Variants in ELMO1 observed in about 807,000 individuals in gnomAD.
The protein encoded by ELMO1 is engulfment and cell motility protein 1.
Under a neutral mutation model 98.9 loss-of-function variants are expected in ELMO1, and 26 were observed. That is an observed-to-expected ratio of 0.26 (90% CI 0.19 to 0.36). The LOEUF is 0.36. ELMO1 is among the 10% of genes least tolerant of loss of function. The pLI is 1.00. For missense variants in ELMO1, 627 were observed against 935.2 expected (o/e 0.67, Z 4.30); for synonymous variants, 346 against 346.0 (o/e 1.00, Z 0.00).
At chr7:36,974,976 T>C (rs968955312) in intron 16 of ELMO1, among the ~76,000 whole-genome samples, 1 of 151,750 alleles carries the variant, frequency 6.6e-6, no homozygotes, top group Non-Finnish European at 1.5e-5. Context: ...GAAGAAACTC[T>C]GAACACATCT....
chr7:37,397,411 G>T (rs1803342919), intron 1 of ELMO1, among the ~76,000 whole-genome samples: 1 of 152,234 alleles, frequency 6.6e-6, no homozygotes, highest in South Asian at 2.1e-4. Context: ...ATAGGGTAAA[G>T]GTATGGGTCA....
intron 16 of ELMO1, among the ~76,000 whole-genome samples, chr7:36,963,621 C>T (rs1244688635): frequency 6.6e-6 from 1 of 152,028 alleles, no homozygotes; most frequent in Admixed American, 6.6e-5. Flanking sequence ...TGATTTTCAC[C>T]TGTAAGATTG....
rs937521645 is a variant in ELMO1, at chr7:37,259,105, G to A, written c.413+76C>T. 1.3e-5 allele frequency: 19 copies of A among 1,487,866 alleles called. No individual in the cohort carries two copies. The Middle Eastern group carries it at 1.2e-3, about 97-fold the overall frequency. The allele number at this position is 1,487,866 out of a possible 1,614,324, so 92.2% of individuals were successfully genotyped here. On this transcript the variant is annotated intron_variant, in intron 6 of 21. Coordinates refer to ENST00000310758, the MANE Select transcript of ELMO1 (RefSeq NM_014800.11). ...CTGGTCTTTAAAACAGAGTTTGCAAGTGTAAGGCATGTAACAATATTCAAA... is the reference window on the plus strand; with the variant it reads ...CTGGTCTTTAAAACAGAGTTTGCAAATGTAAGGCATGTAACAATATTCAAA...
At chr7:37,441,307 C>G (rs1805407134) in intron 1 of ELMO1, among the ~76,000 whole-genome samples, 1 of 151,900 alleles carries the variant, frequency 6.6e-6, no homozygotes, top group Non-Finnish European at 1.5e-5. Context: ...ACGACAGCAG[C>G]CAAGCAGAGA....
In ELMO1 at chr7:37,075,758, A is replaced by C. The variant is rs188120449; in HGVS notation, c.1300+20861T>G. On this transcript the variant is annotated intron_variant, in intron 15 of 21. Coordinates refer to ENST00000310758, the MANE Select transcript of ELMO1 (RefSeq NM_014800.11). Reference sequence around the variant, plus strand: ...ATCACAAAGAGCCAGAAGTGGCACCAACAGAAAGGCTGTGAGCAGGAATTG... The same window carrying C: ...ATCACAAAGAGCCAGAAGTGGCACCCACAGAAAGGCTGTGAGCAGGAATTG... 1.7e-3 allele frequency among the ~76,000 whole-genome samples: 259 copies of C among 152,328 alleles called. 5 individuals carry two copies. Among genetic ancestry groups the C allele is most frequent in the African/African-American group, 5.9e-3 (247 of 41,574 alleles).
intron 13 of ELMO1, among the ~76,000 whole-genome samples, chr7:37,162,019 A>T (rs1789256582): frequency 6.9e-6 from 1 of 144,300 alleles, no homozygotes; most frequent in Admixed American, 7.0e-5. Flanking sequence ...GGGAGGAGGG[A>T]AGGAAAGGAG....
intron 13 of ELMO1, among the ~76,000 whole-genome samples, chr7:37,208,811 C>T (rs529678591): frequency 6.6e-6 from 1 of 152,120 alleles, no homozygotes; most frequent in Non-Finnish European, 1.5e-5. Flanking sequence ...CTTCTCAACT[C>T]TCTGATGCAA....
At chr7:36,931,992 T>A (rs1390612038) in intron 16 of ELMO1, among the ~76,000 whole-genome samples, 1 of 152,236 alleles carries the variant, frequency 6.6e-6, no homozygotes, top group Non-Finnish European at 1.5e-5. Flanking sequence ...GGTAACCAGA[T>A]ACTATACACA....
chr7:36,977,814 T>C (rs1790686906), intron 16 of ELMO1, among the ~76,000 whole-genome samples: 1 of 152,210 alleles, frequency 6.6e-6, no homozygotes, highest in Non-Finnish European at 1.5e-5. Flanking sequence ...GCCCAGTTTT[T>C]GAAAGTGGAT....
intron 4 of ELMO1, among the ~76,000 whole-genome samples, chr7:37,301,105 G>A (rs1031313071): frequency 5.9e-5 from 9 of 151,890 alleles, no homozygotes; most frequent in Admixed American, 2.0e-4. Context: ...CTGTGGGATC[G>A]GTGGTGATAT....
intron 16 of ELMO1, among the ~76,000 whole-genome samples, chr7:36,944,251 T>G (rs928031339): frequency 2.0e-5 from 3 of 152,236 alleles, no homozygotes; most frequent in African/African-American, 7.2e-5. Context: ...AACTTGGCAA[T>G]GTGGCTCCAG....
chr7:37,222,103 A>G (rs936673552), intron 10 of ELMO1, among the ~76,000 whole-genome samples: 3 of 152,226 alleles, frequency 2.0e-5, no homozygotes, highest in Admixed American at 2.0e-4. Flanking sequence ...ATACGAATGC[A>G]GTTATCTCCA....
At chr7:37,225,961 T>TC (rs1793852087) in intron 8 of ELMO1, among the ~76,000 whole-genome samples, 1 of 152,048 alleles carries the variant, frequency 6.6e-6, no homozygotes. Context: ...TCTTGCTGCT[T>TC]CCCCCCTGTC....
At chr7:36,966,622 A>G (rs911882116) in intron 16 of ELMO1, among the ~76,000 whole-genome samples, 3 of 152,258 alleles carry the variant, frequency 2.0e-5, no homozygotes, top group Non-Finnish European at 1.5e-5. Context: ...GTTGATATTA[A>G]TATGAACTGT....
chr7:36,999,481 G>A (rs368550161), intron 16 of ELMO1, among the ~76,000 whole-genome samples: 3 of 152,192 alleles, frequency 2.0e-5, no homozygotes, highest in Admixed American at 1.3e-4. Context: ...GCAAGGAAAC[G>A]AAGGAGCTAG....
At chr7:37,033,016 C>T (rs937232706) in intron 15 of ELMO1, among the ~76,000 whole-genome samples, 30 of 152,268 alleles carry the variant, frequency 2.0e-4, no homozygotes, top group South Asian at 1.5e-3. Flanking sequence ...TTAGCCAAAA[C>T]GCCGAGAAGC....
At position 36,918,993 on chromosome 7, in the gene ELMO1, T is replaced by TTCAG. The variant is rs1024043640; in HGVS notation, c.1438-23980_1438-23977dup. Among the ~76,000 whole-genome samples the TTCAG allele has an allele frequency of 9.9e-4, 131 of 132,822 alleles. 1 individual carries two copies. The highest frequency in any genetic ancestry group is 1.3e-3 in the Non-Finnish European group (77 of 59,204). 87.1% of individuals were successfully genotyped at this position (132,822 alleles called of 152,430 possible). ...ATGCCTTCATTCATTCATTCATTCATTCAGTCAGTCAGTCAGTCAGTTGGC... is the reference window on the plus strand; with the variant it reads ...ATGCCTTCATTCATTCATTCATTCATTCAGTCAGTCAGTCAGTCAGTCAGTTGGC... On this transcript the variant is annotated intron_variant, in intron 16 of 21. Coordinates refer to ENST00000310758, the MANE Select transcript of ELMO1 (RefSeq NM_014800.11).
intron 15 of ELMO1, among the ~76,000 whole-genome samples, chr7:37,092,565 A>AC (rs1431024752): frequency 7.4e-5 from 11 of 149,496 alleles, no homozygotes; most frequent in East Asian, 2.0e-4. Flanking sequence ...TTTTGTAGAG[A>AC]TGGGTTTCAC....
chr7:37,178,718 C>T (rs911959791), intron 13 of ELMO1, among the ~76,000 whole-genome samples: 1 of 152,132 alleles, frequency 6.6e-6, no homozygotes, highest in African/African-American at 2.4e-5. Context: ...CCTCCTCATA[C>T]GAGGTGGCAA....
Sources: allele counts gnomAD v4.1 joint callset (sites outside exome capture counted in the v4.1 genomes callset), GRCh38; gene constraint gnomAD v4.1.1; transcripts MANE v1.5; gene names NCBI Gene and HGNC (gene_info 2026-07-23, HGNC 2026-07-21).